FAM193A: variants seen among roughly 807,000 people sequenced by gnomAD.
The protein encoded by FAM193A is family with sequence similarity 193 member A.
Under a neutral mutation model 126.5 loss-of-function variants are expected in FAM193A, and 22 were observed. That is an observed-to-expected ratio of 0.17 (90% CI 0.12 to 0.25). The LOEUF (loss-of-function observed/expected upper bound fraction) is 0.25. Ranked by LOEUF, FAM193A falls within the 10% of genes least tolerant of loss-of-function variation. The probability of loss-of-function intolerance (pLI) is 1.00; values close to 1 mark genes in which losing one functional copy is unlikely to be tolerated. For synonymous variants in FAM193A, 761 were observed against 646.8 expected, an observed-to-expected ratio of 1.18 and a Z score of -2.68; for missense variants, 1,675 against 1,672.8, an observed-to-expected ratio of 1.00 and a Z score of -0.02.
intron 1 of FAM193A, among the ~76,000 whole-genome samples, chr4:2,557,824 C>T (rs1475277973): frequency 3.3e-5 from 5 of 151,808 alleles, no homozygotes; most frequent in African/African-American, 1.2e-4. Flanking sequence ...TGGTGGTGCA[C>T]GCCTGTAGTC....
chr4:2,670,251 C>T (rs1219710685), intron 12 of FAM193A, among the ~76,000 whole-genome samples: 1 of 152,096 alleles, frequency 6.6e-6, no homozygotes, highest in Non-Finnish European at 1.5e-5. Context: ...AGCTATTGTA[C>T]TCTTCACCTA....
chr4:2,570,121 G>C (rs114046376), intron 1 of FAM193A, among the ~76,000 whole-genome samples: 1,695 of 145,020 alleles, frequency 0.012, 33 homozygotes, highest in African/African-American at 0.044. Context: ...AATTGTGACT[G>C]AACTGCTAAA....
intron 19 of FAM193A, among the ~76,000 whole-genome samples, chr4:2,711,142 A>G (rs573960235): frequency 4.0e-5 from 6 of 151,278 alleles, no homozygotes; most frequent in East Asian, 3.9e-4. Flanking sequence ...GTGAGCCACC[A>G]CGCCCGGCCA....
At chr4:2,714,991 C>T (rs1288678968) in intron 19 of FAM193A, among the ~76,000 whole-genome samples, 4 of 152,038 alleles carry the variant, frequency 2.6e-5, no homozygotes, top group South Asian at 2.1e-4. Context: ...AATGTATTCA[C>T]GATTGAATTA....
Position 2,625,399 on chromosome 4 carries a change from T to A in FAM193A, c.635+4T>A. ...GCGAGGCCTGCAGTGAGCGCAGGTA[T>A]GTGACGTGTGTGCCACGTTGCTCAC... On this transcript the variant is annotated splice_donor_region_variant and intron_variant, in intron 3 of 20. Coordinates refer to ENST00000637812, the MANE Select transcript of FAM193A (RefSeq NM_001366318.2). 1 of 699,136 alleles carries A rather than the reference T, an allele frequency of 1.4e-6. No homozygotes were observed. 43.3% of individuals were successfully genotyped at this position (699,136 alleles called of 1,614,324 possible).
intron 2 of FAM193A, among the ~76,000 whole-genome samples, chr4:2,608,544 G>A (rs1478508525): frequency 6.6e-6 from 1 of 152,098 alleles, no homozygotes; most frequent in Non-Finnish European, 1.5e-5. Flanking sequence ...GTAGTGGGAA[G>A]CATATTTAGA....
Position 2,663,283 on chromosome 4 carries a change from C to T in FAM193A, c.2074C>T (p.Gln692Ter). ...CAGTCCACCCCCATCCTACCCAACA[C>T]AGCAGGTAGGACTTTGCTTGCTGTT... ...ADSPPPSYPT[Q>*]QAEQAPNTCE... The change falls in exon 12 of 21, where the codon CAG becomes TAG. Residue 692 changes from glutamine to a stop codon, truncating the protein, a stop_gained. Transcript: ENST00000637812. LOFTEE classifies it high-confidence loss of function. 6.3e-7 allele frequency: 1 copy of T among 1,575,654 alleles called. No individual in the cohort carries two copies. Among genetic ancestry groups the T allele is most frequent in the Non-Finnish European group, 8.6e-7 (1 of 1,164,080 alleles).
In FAM193A at chr4:2,700,409, C is replaced by T. The variant is rs776408003; in HGVS notation, c.4237C>T (p.Pro1413Ser). The T allele has an allele frequency of 6.8e-6, 11 of 1,613,982 alleles. No homozygotes were observed. In the African/African-American group the frequency reaches 1.3e-4, roughly 20 times the overall value. ...CCACATCAAGGACGAAAAGTCAAAC[C>T]CAACCCCTATGGAGCCCACCTCTCC... is the stretch of plus-strand genomic sequence containing the variant. ...LNHIKDEKSNPTPMEPTSPGE... is the reference protein window; with the variant it reads ...LNHIKDEKSNSTPMEPTSPGE... Residue 1413 changes from proline to serine, a missense_variant, in exon 19 of 21, where the codon CCA becomes TCA. Pro to Ser is a moderately conservative substitution (Grantham distance 74). This residue lies in a region of FAM193A where 415 missense variants were observed against 396.7 expected (regional missense o/e 1.05). Coordinates refer to ENST00000637812, the MANE Select transcript of FAM193A (RefSeq NM_001366318.2).
chr4:2,660,861 T>C (rs1289881727), intron 10 of FAM193A, among the ~76,000 whole-genome samples: 1 of 152,200 alleles, frequency 6.6e-6, no homozygotes, highest in African/African-American at 2.4e-5. Context: ...ACAAAATAAT[T>C]CTGAAAGGAC....
At chr4:2,580,156 C>T (rs1049400520) in intron 1 of FAM193A, among the ~76,000 whole-genome samples, 4 of 152,098 alleles carry the variant, frequency 2.6e-5, no homozygotes, top group Non-Finnish European at 5.9e-5. Flanking sequence ...AGGCCATTAT[C>T]CTTAGCAAAG....
Position 2,705,538 on chromosome 4 carries a change from C to T in FAM193A, c.4372+4994C>T, listed in dbSNP as rs556827680. Among the ~76,000 whole-genome samples, 8 of 151,630 alleles carry T rather than the reference C, an allele frequency of 5.3e-5. No individual in the cohort carries two copies. In the South Asian group the frequency reaches 1.7e-3, roughly 32 times the overall value. On this transcript the variant is annotated intron_variant, in intron 19 of 20. Transcript: ENST00000637812. ...GTGGTGTGAAATATGGATCCAATTT[C>T]TCTTTTTCCAAATGGTTAGCGAGTG...
chr4:2,629,991 G>T (rs1406550113), intron 4 of FAM193A, among the ~76,000 whole-genome samples: 1 of 151,988 alleles, frequency 6.6e-6, no homozygotes, highest in Non-Finnish European at 1.5e-5. Context: ...AATTAGCCGG[G>T]CGTGGTGGCG....
intron 1 of FAM193A, among the ~76,000 whole-genome samples, chr4:2,548,630 T>C (rs1310351206): frequency 2.0e-5 from 3 of 151,944 alleles, no homozygotes; most frequent in Non-Finnish European, 4.4e-5. Context: ...CTAATTTTTG[T>C]ATTTTTAGTA....
At chr4:2,576,568 G>C (rs1739601903) in intron 1 of FAM193A, among the ~76,000 whole-genome samples, 2 of 152,266 alleles carry the variant, frequency 1.3e-5, no homozygotes, top group Middle Eastern at 3.4e-3. Flanking sequence ...AGTGATACTT[G>C]CTCTTGCTCT....
At chr4:2,537,628 C>T (rs1386597413) in intron 1 of FAM193A, among the ~76,000 whole-genome samples, 1 of 152,262 alleles carries the variant, frequency 6.6e-6, no homozygotes, top group South Asian at 2.1e-4. Flanking sequence ...CGGGAGTGAG[C>T]AAAGCTGCCC....
intron 2 of FAM193A, among the ~76,000 whole-genome samples, chr4:2,621,039 A>C (rs957897425): frequency 3.9e-5 from 6 of 152,066 alleles, no homozygotes; most frequent in Admixed American, 3.9e-4. Flanking sequence ...ACTGGGTAGC[A>C]GAGAGGCTCC....
Position 2,536,843 on chromosome 4 carries a change from C to CTCCCCGCCT in FAM193A, c.-64_-56dup, listed in dbSNP as rs1212551160. The CTCCCCGCCT allele has an allele frequency of 1.3e-4, 19 of 147,642 alleles. No individual in the cohort carries two copies. The highest frequency in any genetic ancestry group is 3.5e-4 in the South Asian group (2 of 5,652). The allele number at this position is 147,642 out of a possible 1,614,324, so 9.1% of individuals were successfully genotyped here. On this transcript the variant is annotated 5_prime_UTR_variant, in exon 1 of 21. Transcript: ENST00000637812. ...CGCCCGCCGCCGCGGCCGCCTCAGCCTCCCCGCCTTCCCCGCCCTCCGCCG... is the reference window on the plus strand; with the variant it reads ...CGCCCGCCGCCGCGGCCGCCTCAGCCTCCCCGCCTTCCCCGCCTTCCCCGCCCTCCGCCG...
intron 1 of FAM193A, among the ~76,000 whole-genome samples, chr4:2,538,569 A>G (rs955204743): frequency 1.4e-4 from 22 of 151,846 alleles, no homozygotes; most frequent in African/African-American, 5.3e-4. Context: ...GATTGCCCTC[A>G]TCCAGTATCC....
chr4:2,630,637 T>C (rs541635013), intron 4 of FAM193A, among the ~76,000 whole-genome samples: 2 of 152,366 alleles, frequency 1.3e-5, no homozygotes, highest in South Asian at 2.1e-4. Flanking sequence ...ATGTCCCCTC[T>C]GTAAAGCAGG....
Sources: gnomAD v4.1 joint callset for allele counts (sites outside exome capture counted in the v4.1 genomes callset) on GRCh38, gnomAD v4.1.1 for gene constraint, gnomAD v4.1.1 regional missense constraint, MANE v1.5 for transcripts, NCBI Gene and HGNC (gene_info 2026-07-23, HGNC 2026-07-21) for gene names.